The following ADGRL3 variants were observed in gnomAD, a reference collection of about 807,000 sequenced individuals.
ADGRL3 encodes calcium-independent alpha-latrotoxin receptor 3.
A neutral mutation model predicts 153.5 loss-of-function variants in ADGRL3; 62 were observed. The ratio of observed to expected loss-of-function variants is 0.40; its 90% CI spans 0.33 to 0.50. The LOEUF (loss-of-function observed/expected upper bound fraction) is 0.50, where lower values mean the gene tolerates loss of function less well. ADGRL3 is among the 20% of genes least tolerant of loss of function. The pLI, the probability that ADGRL3 is intolerant of heterozygous loss-of-function variation, is 0.47. For missense variants in ADGRL3, 1,641 were observed against 1,859.4 expected (o/e 0.88, Z 2.16); for synonymous variants, 710 against 672.5 (o/e 1.06, Z -0.86).
At chr4:62,014,820 T>C (rs139897891) in intron 21 of ADGRL3, among the ~76,000 whole-genome samples, 5 of 152,292 alleles carry the variant, frequency 3.3e-5, no homozygotes, top group African/African-American at 1.2e-4. Context: ...ATTACACAAA[T>C]GGAATGCCTA....
chr4:61,738,925 G>C (rs532585702), intron 8 of ADGRL3, among the ~76,000 whole-genome samples: 7 of 151,796 alleles, frequency 4.6e-5, no homozygotes, highest in Admixed American at 2.0e-4. Flanking sequence ...GTTTTTCTTG[G>C]CAAAGTTTAG....
In ADGRL3 at chr4:61,699,937, AACAAGGAGATACAC is replaced by A. The variant is rs576618006; in HGVS notation, c.583+23006_583+23019del. ...GGAAAATTCAGATCTGTGATCAAAT[AACAAGGAGATACAC>A]ACACACACACACACACAAAAACACA... On this transcript the variant is annotated intron_variant, in intron 6 of 26. Transcript: ENST00000683033. Among the ~76,000 whole-genome samples, 10 of 151,882 alleles carry A rather than the reference AACAAGGAGATACAC, an allele frequency of 6.6e-5. No individual in the cohort carries two copies. The East Asian group carries it at 1.9e-3, about 29-fold the overall frequency.
At chr4:61,630,572 T>A (rs1438544254) in intron 5 of ADGRL3, among the ~76,000 whole-genome samples, 1 of 152,212 alleles carries the variant, frequency 6.6e-6, no homozygotes, top group East Asian at 1.9e-4. Flanking sequence ...TTTTTCACTC[T>A]TATTTTTGTC....
At chr4:62,054,852 C>T (rs1199017958) in intron 25 of ADGRL3, among the ~76,000 whole-genome samples, 3 of 151,410 alleles carry the variant, frequency 2.0e-5, no homozygotes, top group African/African-American at 7.3e-5. Context: ...ACCCTTATAG[C>T]GAATAAACAT....
rs144255193 is a variant in ADGRL3, at chr4:61,703,259, C to T, written c.583+26324C>T. ...AGTAAATAAATTTAAATGCTTAAAA[C>T]ACTACCTGAAACAATGTAGATGCTC... is the stretch of plus-strand genomic sequence containing the variant. On this transcript the variant is annotated intron_variant, in intron 6 of 26. Coordinates refer to ENST00000683033, the MANE Select transcript of ADGRL3 (RefSeq NM_001387552.1). Among the ~76,000 whole-genome samples, 592 of 151,992 alleles carry T rather than the reference C, an allele frequency of 3.9e-3. 1 individual carries two copies. Among genetic ancestry groups the T allele is most frequent in the Non-Finnish European group, 6.5e-3 (444 of 67,904 alleles).
At chr4:61,305,607 G>A (rs1263873941) in intron 1 of ADGRL3, among the ~76,000 whole-genome samples, 1 of 152,136 alleles carries the variant, frequency 6.6e-6, no homozygotes, top group African/African-American at 2.4e-5. Flanking sequence ...TTTTTTAAGA[G>A]AAGTAGAGTA....
chr4:61,387,588 C>T lies in ADGRL3; in HGVS notation c.-174+4399C>T, dbSNP rs59255062. 9.2e-3 allele frequency among the ~76,000 whole-genome samples: 1,405 copies of T among 152,134 alleles called. 33 individuals are homozygous for T. The highest frequency in any genetic ancestry group is 0.032 in the African/African-American group (1,329 of 41,502). On this transcript the variant is annotated intron_variant, in intron 2 of 26. Coordinates refer to ENST00000683033, the MANE Select transcript of ADGRL3 (RefSeq NM_001387552.1). The stretch of plus-strand genomic sequence containing the variant: ...TTCCATGCTGAGAAAAAGAATTCAG[C>T]GATATTTCTCCCATTTGCTTTTGAA...
intron 12 of ADGRL3, among the ~76,000 whole-genome samples, chr4:61,909,968 A>G (rs533974073): frequency 2.0e-5 from 3 of 152,112 alleles, no homozygotes; most frequent in African/African-American, 4.8e-5. Flanking sequence ...TAATCTCTCT[A>G]TATATATTTT....
rs146842370 is a variant in ADGRL3 at position 61,607,653 on chromosome 4, T to G, written c.473+20213T>G. Among the ~76,000 whole-genome samples the G allele has an allele frequency of 9.0e-4, 137 of 152,228 alleles. 1 individual carries two copies. The East Asian group carries it at 0.014, about 16-fold the overall frequency. ...CTACACTAGTGATATTACCTACAAT[T>G]GAAGAAGTCACAAATCTTGTAACCT... is the stretch of plus-strand genomic sequence containing the variant. On this transcript the variant is annotated intron_variant, in intron 5 of 26. Coordinates refer to ENST00000683033, the MANE Select transcript of ADGRL3 (RefSeq NM_001387552.1).
chr4:61,897,166 G>A (rs1450042563), intron 11 of ADGRL3, among the ~76,000 whole-genome samples: 2 of 152,114 alleles, frequency 1.3e-5, no homozygotes, highest in Non-Finnish European at 2.9e-5. Flanking sequence ...TTTATGGACA[G>A]GATGTTTTTG....
Position 61,391,855 on chromosome 4 carries a change from C to CTTTTTTTTTTTTTTTTT in ADGRL3, c.-174+8672_-174+8688dup, listed in dbSNP as rs869176171. On this transcript the variant is annotated intron_variant, in intron 2 of 26. Coordinates refer to ENST00000683033, the MANE Select transcript of ADGRL3 (RefSeq NM_001387552.1). ...AAAATTATCCAAGTGAAAAATGCTA[C>CTTTTTTTTTTTTTTTTT]TTTTTTTTTTTTTTTTTTTTTTGAG... 2.1e-5 allele frequency among the ~76,000 whole-genome samples: 2 copies of CTTTTTTTTTTTTTTTTT among 93,656 alleles called. 1 individual carries two copies. The highest frequency in any genetic ancestry group is 4.1e-5 in the Non-Finnish European group (2 of 49,102). 61.4% of individuals were successfully genotyped at this position (93,656 alleles called of 152,430 possible).
intron 9 of ADGRL3, among the ~76,000 whole-genome samples, chr4:61,839,648 C>T (rs1269869754): frequency 6.6e-6 from 1 of 150,948 alleles, no homozygotes; most frequent in Non-Finnish European, 1.5e-5. Flanking sequence ...GGAGATAAGA[C>T]ATGTGAAAAG....
At chr4:61,909,323 T>A (rs1353434067) in intron 11 of ADGRL3, among the ~76,000 whole-genome samples, 2 of 152,196 alleles carry the variant, frequency 1.3e-5, no homozygotes, top group Admixed American at 1.3e-4. Flanking sequence ...AAGCATGATT[T>A]TTCAAAGTAA....
At position 61,607,104 on chromosome 4, in the gene ADGRL3, C is replaced by T. The variant is rs142553912; in HGVS notation, c.473+19664C>T. Among the ~76,000 whole-genome samples the T allele has an allele frequency of 1.4e-3, 212 of 152,130 alleles. 1 individual carries two copies. The highest frequency in any genetic ancestry group is 4.8e-3 in the African/African-American group (200 of 41,518). ...CCAAAGACTCAGAGGTTAGGGTTTT[C>T]CAAGGACAGTTTGGTGGGTGGGGGA... On this transcript the variant is annotated intron_variant, in intron 5 of 26. Transcript: ENST00000683033.
At chr4:62,021,755 C>G (rs886581729) in intron 21 of ADGRL3, among the ~76,000 whole-genome samples, 2 of 151,878 alleles carry the variant, frequency 1.3e-5, no homozygotes, top group African/African-American at 4.8e-5. Flanking sequence ...TTTGATGTTA[C>G]TGTTGTAATT....
At chr4:61,841,587 C>G (rs995469210) in intron 9 of ADGRL3, among the ~76,000 whole-genome samples, 1 of 152,080 alleles carries the variant, frequency 6.6e-6, no homozygotes, top group African/African-American at 2.4e-5. Flanking sequence ...ATATTTCATA[C>G]CTGAGGACAA....
At chr4:61,236,607 G>A (rs1264175775) in intron 1 of ADGRL3, among the ~76,000 whole-genome samples, 2 of 151,954 alleles carry the variant, frequency 1.3e-5, no homozygotes, top group African/African-American at 4.8e-5. Context: ...AATTTTTTAT[G>A]AGTATGGATC....
At chr4:61,768,515 C>G (rs2097033486) in intron 8 of ADGRL3, among the ~76,000 whole-genome samples, 1 of 152,028 alleles carries the variant, frequency 6.6e-6, no homozygotes, top group African/African-American at 2.4e-5. Flanking sequence ...ACTTCAGGCA[C>G]CTCAGACCAT....
At chr4:61,713,738 A>G (rs191321383) in intron 6 of ADGRL3, among the ~76,000 whole-genome samples, 7 of 152,242 alleles carry the variant, frequency 4.6e-5, no homozygotes, top group Non-Finnish European at 7.4e-5. Context: ...TTTTATGTAG[A>G]AAGTATTTTA....
Sources: allele counts gnomAD v4.1 joint callset (sites outside exome capture counted in the v4.1 genomes callset), GRCh38; gene constraint gnomAD v4.1.1; transcripts MANE v1.5; gene names NCBI Gene and HGNC (gene_info 2026-07-23, HGNC 2026-07-21).